SLC26A7: variants seen among roughly 807,000 people sequenced by gnomAD.
SLC26A7 encodes the protein anion exchange transporter.
In SLC26A7, 59 loss-of-function variants were observed where a neutral mutation model predicts 82.5. That is an observed-to-expected ratio of 0.72 (90% CI 0.58 to 0.89). SLC26A7 has a LOEUF of 0.89. Ranked by LOEUF, SLC26A7 falls within the 40% of genes least tolerant of loss-of-function variation. The pLI, the probability that SLC26A7 is intolerant of heterozygous loss-of-function variation, is 0.00. For missense variants in SLC26A7, 820 were observed against 793.0 expected, an observed-to-expected ratio of 1.03 and a Z score of -0.41; for synonymous variants, 271 against 274.3, an observed-to-expected ratio of 0.99 and a Z score of 0.12.
chr8:91,374,714 T>G (rs1814460565), intron 15 of SLC26A7, among the ~76,000 whole-genome samples: 1 of 152,070 alleles, frequency 6.6e-6, no homozygotes, highest in African/African-American at 2.4e-5. Context: ...GTGCTTGTTA[T>G]GTGAAATGTT....
Position 91,322,303 on chromosome 8 carries a change from T to C in SLC26A7, c.642+3923T>C, listed in dbSNP as rs1248924175. On this transcript the variant is annotated intron_variant, in intron 5 of 18. Transcript: ENST00000276609. ...TTCAACAGTTCAACTCAAATCTCCCTCAGCAGTTATAAACCCATTTAATAA... is the reference window on the plus strand; with the variant it reads ...TTCAACAGTTCAACTCAAATCTCCCCCAGCAGTTATAAACCCATTTAATAA... Among the ~76,000 whole-genome samples the C allele has an allele frequency of 1.5e-4, 23 of 152,110 alleles. 1 individual carries two copies. The highest frequency in any genetic ancestry group is 1.0e-4 in the Non-Finnish European group (7 of 68,006).
upstream of SLC26A7, among the ~76,000 whole-genome samples, chr8:91,246,669 C>T (rs953983748): frequency 1.3e-5 from 2 of 150,624 alleles, no homozygotes; most frequent in African/African-American, 4.9e-5. Context: ...CATCGCACTC[C>T]GGCCTGGGAG....
chr8:91,341,815 C>A (rs966424325), intron 8 of SLC26A7, among the ~76,000 whole-genome samples: 1 of 152,222 alleles, frequency 6.6e-6, no homozygotes, highest in African/African-American at 2.4e-5. Context: ...CTTGCTTCTT[C>A]TTGAACCCAT....
rs74853166 is a variant in SLC26A7, at chr8:91,391,394, C to T, written c.1776+1956C>T. Among the ~76,000 whole-genome samples the T allele has an allele frequency of 4.9e-3, 745 of 152,268 alleles. 10 individuals carry two copies. Among genetic ancestry groups the T allele is most frequent in the African/African-American group, 0.016 (684 of 41,552 alleles). ...TCGAAAATAAAGAAATAGCTTAAAA[C>T]AATTGAAGTTTAAGTATCAGAGGCC... On this transcript the variant is annotated intron_variant, in intron 16 of 18. Coordinates refer to ENST00000276609, the MANE Select transcript of SLC26A7 (RefSeq NM_052832.4).
At chr8:91,280,088 G>C (rs1323119629) in intron 2 of SLC26A7, among the ~76,000 whole-genome samples, 2 of 152,122 alleles carry the variant, frequency 1.3e-5, no homozygotes, top group South Asian at 4.1e-4. Flanking sequence ...TTGCTGTGCA[G>C]AAGCTTTTTA....
At chr8:91,338,831 A>G (rs1813317361) in intron 7 of SLC26A7, among the ~76,000 whole-genome samples, 1 of 152,118 alleles carries the variant, frequency 6.6e-6, no homozygotes, top group Non-Finnish European at 1.5e-5. Context: ...GGGAAGGAGG[A>G]CAGTGTCTTA....
chr8:91,394,213 T>C (rs747974141), intron 18 of SLC26A7, 174 bp downstream of exon 18: 6 of 1,613,418 alleles, frequency 3.7e-6, no homozygotes, highest in Non-Finnish European at 5.1e-6. Flanking sequence ...CCATTCTTTT[T>C]TTAGGCCAGT....
intron 4 of SLC26A7, among the ~76,000 whole-genome samples, chr8:91,313,376 C>T (rs1018105553): frequency 1.3e-5 from 2 of 152,122 alleles, no homozygotes; most frequent in African/African-American, 4.8e-5. Flanking sequence ...GCTTTGATTA[C>T]TATAGCTTTT....
chr8:91,274,153 T>C (rs556442838), intron 2 of SLC26A7, among the ~76,000 whole-genome samples: 46 of 152,326 alleles, frequency 3.0e-4, no homozygotes, highest in African/African-American at 1.1e-3. Flanking sequence ...GGGCAGAATC[T>C]AGTACAAAGG....
At chr8:91,246,614 C>G (rs766752836), upstream of SLC26A7, among the ~76,000 whole-genome samples, 1 of 151,760 alleles carries the variant, frequency 6.6e-6, no homozygotes, top group Non-Finnish European at 1.5e-5. Context: ...GCAGGAGAAT[C>G]GCTTGAACCT....
chr8:91,359,635 T>C (rs922802173), intron 11 of SLC26A7, among the ~76,000 whole-genome samples: 3 of 152,154 alleles, frequency 2.0e-5, no homozygotes, highest in Non-Finnish European at 2.9e-5. Context: ...AATAGCCTTC[T>C]GTGGTTGGAG....
chr8:91,334,083 G>A (rs1813171472), intron 5 of SLC26A7, among the ~76,000 whole-genome samples: 1 of 152,138 alleles, frequency 6.6e-6, no homozygotes, highest in Admixed American at 6.6e-5. Flanking sequence ...TGCAAAACCT[G>A]AGTTTGATGA....
intron 1 of SLC26A7, among the ~76,000 whole-genome samples, chr8:91,212,113 T>A (rs1809938543): frequency 6.6e-6 from 1 of 152,142 alleles, no homozygotes; most frequent in African/African-American, 2.4e-5. Flanking sequence ...TGATCAATAA[T>A]TTCAATGTAG....
intron 18 of SLC26A7, chr8:91,394,471 C>T: frequency 7.3e-7 from 1 of 1,378,362 alleles, no homozygotes; most frequent in Non-Finnish European, 9.3e-7. Flanking sequence ...TTTGTAGAAT[C>T]TAGTGCTCAC....
intron 5 of SLC26A7, among the ~76,000 whole-genome samples, chr8:91,320,191 T>C (rs1396583888): frequency 6.6e-6 from 1 of 152,056 alleles, no homozygotes; most frequent in East Asian, 1.9e-4. Flanking sequence ...GCCCCCTGAG[T>C]AGCTGGGACT....
rs575324486 is a variant in SLC26A7, at chr8:91,225,651, T to G, written c.-34+6646T>G. ...CTGCCCCCTAGAAAAGTGTTTTTTTTTTTTTTTTTTTTTTTTTTTTTTTTA... is the reference window on the plus strand; with the variant it reads ...CTGCCCCCTAGAAAAGTGTTTTTTTGTTTTTTTTTTTTTTTTTTTTTTTTA... On this transcript the variant is annotated intron_variant, in intron 2 of 5. Transcript: ENST00000522862. 3.2e-3 allele frequency among the ~76,000 whole-genome samples: 393 copies of G among 121,284 alleles called. 1 individual carries two copies. The highest frequency in any genetic ancestry group is 0.013 in the African/African-American group (373 of 28,432). 79.6% of individuals were successfully genotyped at this position (121,284 alleles called of 152,430 possible).
chr8:91,360,334 T>C (rs1224031592), intron 11 of SLC26A7, among the ~76,000 whole-genome samples: 1 of 152,012 alleles, frequency 6.6e-6, no homozygotes, highest in Non-Finnish European at 1.5e-5. Context: ...GAGTGCCAAA[T>C]AGGAAGAGAG....
At chr8:91,321,315 C>G (rs1436094849) in intron 5 of SLC26A7, among the ~76,000 whole-genome samples, 1 of 152,200 alleles carries the variant, frequency 6.6e-6, no homozygotes, top group African/African-American at 2.4e-5. Flanking sequence ...TAACAGACTT[C>G]TCATAGGCTT....
chr8:91,384,193 G>A (rs75859361), intron 15 of SLC26A7, among the ~76,000 whole-genome samples: 2,247 of 152,236 alleles, frequency 0.015, 30 homozygotes, highest in Non-Finnish European at 0.024. Context: ...CTTCTGGAGG[G>A]TCTAGAGGAG....
Sources: gnomAD v4.1 joint callset for allele counts (sites outside exome capture counted in the v4.1 genomes callset) on GRCh38, gnomAD v4.1.1 for gene constraint, MANE v1.5 for transcripts, NCBI Gene and HGNC (gene_info 2026-07-23, HGNC 2026-07-21) for gene names.